STOX1: variants seen among roughly 807,000 people sequenced by gnomAD.
STOX1 encodes storkhead box 1.
In STOX1, 57 loss-of-function variants were observed where a neutral mutation model predicts 74.8. The ratio of observed to expected loss-of-function variants is 0.76; its 90% CI spans 0.62 to 0.95. The LOEUF (loss-of-function observed/expected upper bound fraction) is 0.95, where lower values mean the gene tolerates loss of function less well. STOX1 is among the 40% of genes least tolerant of loss of function. STOX1 has a pLI of 0.00. For synonymous variants in STOX1, 375 were observed against 401.3 expected (o/e 0.93, Z 0.78); for missense variants, 1,010 against 1,117.0 (o/e 0.90, Z 1.37).
rs1413626241 is a variant in STOX1 at position 68,884,363 on chromosome 10, T to C, written c.567T>C (p.Pro189=). 1.2e-6 allele frequency: 2 copies of C among 1,614,050 alleles called. No individual in the cohort carries two copies. Among genetic ancestry groups the C allele is most frequent in the African/African-American group, 1.3e-5 (1 of 74,940 alleles). ...GAGAAGGATACTTCATAGTTACTCC[T>C]CAGACTTACTTCATTACAAATACAA... ...HTGEGYFIVT[P]QTYFITNTTT... The change falls in exon 3 of 4, where the codon CCT becomes CCC. Residue 189 remains proline, a synonymous_variant. Transcript: ENST00000298596.
chr10:68,850,465 T>C (rs925171216), intron 1 of STOX1, among the ~76,000 whole-genome samples: 1 of 152,244 alleles, frequency 6.6e-6, no homozygotes, highest in Admixed American at 6.5e-5. Flanking sequence ...GGTTACTTGA[T>C]GGGCCTTCAG....
At position 68,879,181 on chromosome 10, in the gene STOX1, C is replaced by G. The variant is rs1160885733; in HGVS notation, c.311-2777C>G. The stretch of plus-strand genomic sequence containing the variant: ...CTGCCAAAAACTATGCATAAATCAC[C>G]TGGACTTAGGGCTCCTTCACAATCT... On this transcript the variant is annotated intron_variant, in intron 1 of 3. Transcript: ENST00000298596. Among the ~76,000 whole-genome samples, 7 of 152,160 alleles carry G rather than the reference C, an allele frequency of 4.6e-5. No homozygotes were observed. The East Asian group carries it at 1.3e-3, about 29-fold the overall frequency.
At chr10:68,850,593 A>C (rs1479332828) in intron 1 of STOX1, among the ~76,000 whole-genome samples, 2 of 152,218 alleles carry the variant, frequency 1.3e-5, no homozygotes, top group Admixed American at 6.5e-5. Flanking sequence ...CATCCCACAC[A>C]ATGGATTAGG....
chr10:68,870,471 T>C (rs1483591372), intron 1 of STOX1, among the ~76,000 whole-genome samples: 2 of 152,216 alleles, frequency 1.3e-5, no homozygotes, highest in African/African-American at 4.8e-5. Context: ...GTAGGTAGAA[T>C]GGTTCACCAA....
intron 1 of STOX1, among the ~76,000 whole-genome samples, chr10:68,864,381 C>CA (rs1291853208): frequency 6.6e-6 from 1 of 152,140 alleles, no homozygotes; most frequent in Non-Finnish European, 1.5e-5. Context: ...TAGTTAATTT[C>CA]AAAAATTGAA....
At position 68,872,208 on chromosome 10, in the gene STOX1, A is replaced by G. The variant is rs1840552034; in HGVS notation, c.311-9750A>G. 2.6e-5 allele frequency among the ~76,000 whole-genome samples: 4 copies of G among 152,256 alleles called. No individual in the cohort carries two copies. The South Asian group carries it at 8.3e-4, about 32-fold the overall frequency. On this transcript the variant is annotated intron_variant, in intron 1 of 3. Coordinates refer to ENST00000298596, the MANE Select transcript of STOX1 (RefSeq NM_152709.5). The stretch of plus-strand genomic sequence containing the variant: ...CCACTTGAAGGTCAATAATGCATGA[A>G]TTTCTGGCAGACTTCCTAGCTCTGA...
chr10:68,858,236 C>G (rs1840174028), intron 1 of STOX1, among the ~76,000 whole-genome samples: 1 of 152,076 alleles, frequency 6.6e-6, no homozygotes, highest in Non-Finnish European at 1.5e-5. Flanking sequence ...TGGCCAGCTC[C>G]TAGAAGCAGA....
At chr10:68,850,578 A>T (rs1429087794) in intron 1 of STOX1, among the ~76,000 whole-genome samples, 1 of 152,218 alleles carries the variant, frequency 6.6e-6, no homozygotes, top group Non-Finnish European at 1.5e-5. Context: ...CCATTCACAC[A>T]CTTTCATCCC....
chr10:68,888,474 T>C (rs1841018956), intron 3 of STOX1, among the ~76,000 whole-genome samples: 1 of 152,158 alleles, frequency 6.6e-6, no homozygotes, highest in South Asian at 2.1e-4. Context: ...TCCAAATGTA[T>C]AGATCTATAG....
At chr10:68,841,243 C>A (rs1211379968) in intron 1 of STOX1, among the ~76,000 whole-genome samples, 4 of 152,160 alleles carry the variant, frequency 2.6e-5, no homozygotes, top group African/African-American at 4.8e-5. Context: ...CCATGCCCGG[C>A]CTGTTTTTGA....
intron 1 of STOX1, among the ~76,000 whole-genome samples, chr10:68,866,258 G>A (rs1178936021): frequency 3.9e-5 from 6 of 152,084 alleles, no homozygotes; most frequent in Non-Finnish European, 8.8e-5. Context: ...ATACTTCAGG[G>A]GCTTTACCAA....
At chr10:68,883,861 T>C (rs1247751557) in intron 2 of STOX1, among the ~76,000 whole-genome samples, 1 of 147,452 alleles carries the variant, frequency 6.8e-6, no homozygotes, top group Non-Finnish European at 1.5e-5. Context: ...ACTCCTGAGC[T>C]CAAATGATCC....
At chr10:68,829,151 T>G (rs1425423017) in intron 1 of STOX1, among the ~76,000 whole-genome samples, 2 of 152,198 alleles carry the variant, frequency 1.3e-5, no homozygotes, top group Non-Finnish European at 2.9e-5. Context: ...ATCATCCTCT[T>G]CCATCCGAGG....
At chr10:68,855,603 A>G (rs1436147350) in intron 1 of STOX1, among the ~76,000 whole-genome samples, 1 of 151,542 alleles carries the variant, frequency 6.6e-6, no homozygotes, top group Non-Finnish European at 1.5e-5. Flanking sequence ...AGCCAGGCTA[A>G]TTTTTAAATT....
intron 1 of STOX1, among the ~76,000 whole-genome samples, chr10:68,831,803 G>A (rs1808613762): frequency 6.6e-6 from 1 of 152,122 alleles, no homozygotes; most frequent in African/African-American, 2.4e-5. Flanking sequence ...CCTCTGGTAA[G>A]GAAAGTAGTT....
Position 68,827,579 on chromosome 10 carries a change from C to T in STOX1, c.-45C>T. ...AGCGAGCGGCGTCGTAGCCGCCGCG[C>T]TCGCCGAGGCCCTGCGTTGCGGGCT... On this transcript the variant is annotated 5_prime_UTR_variant, in exon 1 of 4. Coordinates refer to ENST00000298596, the MANE Select transcript of STOX1 (RefSeq NM_152709.5). 5.4e-6 allele frequency: 6 copies of T among 1,109,282 alleles called. No homozygotes were observed. The highest frequency in any genetic ancestry group is 6.6e-6 in the Non-Finnish European group (6 of 907,974). 68.7% of individuals were successfully genotyped at this position (1,109,282 alleles called of 1,614,324 possible). A position where few individuals can be genotyped will look rare whatever the true frequency, so the allele number is the denominator to read the frequency against.
chr10:68,828,321 G>T, intron 1 of STOX1: 2 of 1,139,508 alleles, frequency 1.8e-6, no homozygotes, highest in South Asian at 4.1e-5. Flanking sequence ...TGTGAGCGCG[G>T]AGCTCCGCGC....
Position 68,885,202 on chromosome 10 carries a change from A to G in STOX1, c.1406A>G (p.Glu469Gly). The G allele has an allele frequency of 6.2e-7, 1 of 1,614,178 alleles. No individual in the cohort carries two copies. Among genetic ancestry groups the G allele is most frequent in the Non-Finnish European group, 8.5e-7 (1 of 1,180,038 alleles). The change falls in exon 3 of 4, where the codon GAA (glutamate) becomes GGA (glycine). Residue 469 changes from glutamate to glycine, a missense_variant. By Grantham distance (98) the Glu-to-Gly change is moderately conservative (BLOSUM62 -2). Transcript: ENST00000298596. ...ATCCCCAGAATTAAAAGCCCAAATG[A>G]AATGGTAGGTCAGAAACCACTTGGT... ...QPIPRIKSPN[E>G]MVGQKPLGEI...
intron 1 of STOX1, among the ~76,000 whole-genome samples, chr10:68,875,381 C>T (rs1272529366): frequency 6.6e-6 from 1 of 152,214 alleles, no homozygotes; most frequent in Non-Finnish European, 1.5e-5. Flanking sequence ...CTTTCCAGTA[C>T]CACAGTTCTT....
Sources: allele counts gnomAD v4.1 joint callset (sites outside exome capture counted in the v4.1 genomes callset), GRCh38; gene constraint gnomAD v4.1.1; transcripts MANE v1.5; gene names NCBI Gene and HGNC (gene_info 2026-07-23, HGNC 2026-07-21).